AARSD1: variants seen among roughly 807,000 people sequenced by gnomAD.
AARSD1 encodes alanyl-tRNA editing protein Aarsd1.
Under a neutral mutation model 48.7 loss-of-function variants are expected in AARSD1, and 44 were observed. That is an observed-to-expected ratio of 0.90 (90% confidence interval 0.71 to 1.16). The LOEUF (loss-of-function observed/expected upper bound fraction) is 1.16, where lower values mean the gene tolerates loss of function less well. Ranked by LOEUF, AARSD1 falls within the 50% of genes most tolerant of loss-of-function variation. AARSD1 has a pLI of 0.00. For synonymous variants in AARSD1, 189 were observed against 194.9 expected, an observed-to-expected ratio of 0.97 and a Z score of 0.25; for missense variants, 511 against 523.1, an observed-to-expected ratio of 0.98 and a Z score of 0.23.
chr17:42,952,740 G>A (rs117725528), intron 10 of AARSD1, among the ~76,000 whole-genome samples: 162 of 151,948 alleles, frequency 1.1e-3, no homozygotes, highest in East Asian at 6.4e-3. Flanking sequence ...CATCAGGAGT[G>A]GGAAGAGTAA....
At chr17:42,957,365 G>T (rs1005484239) in intron 3 of AARSD1, 170 bp from the exon 4 acceptor site, 19 of 741,250 alleles carry the variant, frequency 2.6e-5, no homozygotes, top group Non-Finnish European at 3.9e-5. Flanking sequence ...TGAGAATTCT[G>T]CAAGAGGCCT....
intron 9 of AARSD1, chr17:42,954,046 A>C: frequency 2.1e-6 from 1 of 479,424 alleles, no homozygotes. Flanking sequence ...TAAAGGAGGT[A>C]GGGGACAGTC....
chr17:42,954,446 A>G (rs1305933349), intron 9 of AARSD1, among the ~76,000 whole-genome samples: 1 of 149,720 alleles, frequency 6.7e-6, no homozygotes, highest in African/African-American at 2.5e-5. Flanking sequence ...TTTTTTTTAT[A>G]TTTTTGAGAT....
rs1344132656 is a variant in AARSD1, at chr17:42,954,959, C to A, written c.870G>T (p.Leu290=). Reference sequence around the variant, plus strand: ...GCACAGCCAGGTCTCTGAGCAGATTCAGGTTATTCTGAAATGGATATGGTA... The same window carrying A: ...GCACAGCCAGGTCTCTGAGCAGATTAAGGTTATTCTGAAATGGATATGGTA... The part of the protein sequence containing the change: ...NSTKILQKNN[L]NLLRDLAVHI... The change falls in exon 9 of 12, where the codon CTG becomes CTT. Residue 290 remains leucine (L), a synonymous_variant. Coordinates refer to ENST00000427569, the MANE Select transcript of AARSD1 (RefSeq NM_001261434.2). 6.2e-7 allele frequency: 1 copy of A among 1,614,176 alleles called. No individual in the cohort carries two copies. Among genetic ancestry groups the A allele is most frequent in the African/African-American group, 1.3e-5 (1 of 75,058 alleles).
intron 3 of AARSD1, chr17:42,957,404 T>C: frequency 2.0e-6 from 1 of 504,564 alleles, no homozygotes; most frequent in Non-Finnish European, 3.4e-6. Context: ...ATGAGGAAAC[T>C]GAAGCCTAGA....
chr17:42,956,312 G>A lies in AARSD1; in HGVS notation c.555C>T (p.Gly185=). 1 of 1,614,086 alleles carries A rather than the reference G, an allele frequency of 6.2e-7. No individual in the cohort carries two copies. Among genetic ancestry groups the A allele is most frequent in the South Asian group, 1.1e-5 (1 of 91,080 alleles). ...CAGCATGATCATCAGGCAAACCCCG[G>A]CCACTCACCTGGACTCAAGGAGAGG... The part of the protein sequence containing the change: ...LDDPEVEQVS[G]RGLPDDHAGP... Residue 185 remains glycine (G), a synonymous_variant, in exon 6 of 12, where the codon GGC becomes GGT. Coordinates refer to ENST00000427569, the MANE Select transcript of AARSD1 (RefSeq NM_001261434.2).
intron 7 of AARSD1, 50 bp from the exon 8 acceptor site, chr17:42,955,274 G>T: frequency 6.2e-7 from 1 of 1,607,520 alleles, no homozygotes; most frequent in South Asian, 1.1e-5. Flanking sequence ...AGTCGTTTCT[G>T]ATGTTGGGGA....
At chr17:42,960,026 A>G (rs949672656) in intron 3 of AARSD1, among the ~76,000 whole-genome samples, 2 of 151,850 alleles carry the variant, frequency 1.3e-5, no homozygotes, top group Non-Finnish European at 2.9e-5. Flanking sequence ...ATCTCAGCAC[A>G]TTGAGAAGCC....
intron 5 of AARSD1, 21 bp downstream of exon 5, chr17:42,956,383 T>G: frequency 6.2e-7 from 1 of 1,613,920 alleles, no homozygotes; most frequent in Non-Finnish European, 8.5e-7. Context: ...GCAGAAACCA[T>G]CCCTCTGGCT....
Position 42,953,772 on chromosome 17 carries a change from C to T in AARSD1, c.960G>A (p.Glu320=), listed in dbSNP as rs1237529114. The T allele has an allele frequency of 8.1e-6, 13 of 1,614,150 alleles. No individual in the cohort carries two copies. The East Asian group carries it at 1.3e-4, about 17-fold the overall frequency. Residue 320 remains glutamate, a synonymous_variant, in exon 10 of 12, where the codon GAG becomes GAA. Coordinates refer to ENST00000427569, the MANE Select transcript of AARSD1 (RefSeq NM_001261434.2). ...WGGVVILHRK[E]GDSEFMNIIA... Reference sequence around the variant, plus strand: ...TGATATTCATGAACTCTGAATCACCCTCCTTCCTACAACAAAGGACACAGA... The same window carrying T: ...TGATATTCATGAACTCTGAATCACCTTCCTTCCTACAACAAAGGACACAGA...
Position 42,956,045 on chromosome 17 carries a change from G to A in AARSD1, c.664-73C>T, listed in dbSNP as rs536807071. ...TAAACCACAGCGGATCCTAGAACCT[G>A]AAGGCAGGAGAAACCTATCTGTTCC... On this transcript the variant is annotated intron_variant, in intron 6 of 11. Coordinates refer to ENST00000427569, the MANE Select transcript of AARSD1 (RefSeq NM_001261434.2). 184 of 1,610,424 alleles carry A rather than the reference G, an allele frequency of 1.1e-4. 2 individuals carry two copies. The East Asian group carries it at 3.9e-3, about 34-fold the overall frequency.
Position 42,950,590 on chromosome 17 carries a change from C to A in AARSD1, c.*3G>T, listed in dbSNP as rs1339713127. ...GGAAACAGGAGGTGAGTGCCCTAAG[C>A]CCTCACTCCTTAGCACTCTGCGTGC... On this transcript the variant is annotated 3_prime_UTR_variant, in exon 12 of 12. Coordinates refer to ENST00000427569, the MANE Select transcript of AARSD1 (RefSeq NM_001261434.2). The A allele has an allele frequency of 8.1e-6, 13 of 1,606,358 alleles. No homozygotes were observed. The highest frequency in any genetic ancestry group is 1.1e-5 in the Non-Finnish European group (13 of 1,175,598).
chr17:42,955,660 CT>C, intron 7 of AARSD1, 181 bp downstream of exon 7: 1 of 957,154 alleles, frequency 1.0e-6, no homozygotes, highest in Non-Finnish European at 1.5e-6. Context: ...CCAGGAAGGT[CT>C]TGATCTCCTG....
rs2049632828 is a variant in AARSD1 at position 42,961,229 on chromosome 17, A to G, written c.294T>C (p.Asp98=). 1.9e-6 allele frequency: 3 copies of G among 1,613,836 alleles called. No individual in the cohort carries two copies. Among genetic ancestry groups the G allele is most frequent in the Middle Eastern group, 1.7e-4 (1 of 6,054 alleles). ...DPGSQVLVRV[D]WERRFDHMQQ... ...GCATGTGGTCAAACCTCCGCTCCCA[A>G]TCTACCCGGACCAGAACCTGGCTTC... Residue 98 remains aspartate, a synonymous_variant, in exon 3 of 12, where the codon GAT becomes GAC. Transcript: ENST00000427569.
At position 42,958,357 on chromosome 17, in the gene AARSD1, C is replaced by T. The variant is rs1320137257; in HGVS notation, c.332-1162G>A. ...CTCTACTAAAAATACAAAAATTAGC[C>T]GGGTGTGGTGGCATGCACCTGTAAT... On this transcript the variant is annotated intron_variant, in intron 3 of 11. Coordinates refer to ENST00000427569, the MANE Select transcript of AARSD1 (RefSeq NM_001261434.2). Among the ~76,000 whole-genome samples the T allele has an allele frequency of 1.3e-4, 19 of 151,588 alleles. No individual in the cohort carries two copies. The East Asian group carries it at 2.4e-3, about 19-fold the overall frequency.
At chr17:42,957,476 CTTTTTTTT>C (rs1165420812) in intron 3 of AARSD1, 44 of 82,950 alleles carry the variant, frequency 5.3e-4, no homozygotes, top group South Asian at 3.0e-3. Context: ...ACTTAACTTC[CTTTTTTTT>C]TTTTTTTTTT....
chr17:42,955,455 T>TC, intron 7 of AARSD1: 1 of 525,038 alleles, frequency 1.9e-6, no homozygotes, highest in Admixed American at 3.5e-5. Context: ...TTTTTTTTTT[T>TC]TGAGACAGAG....
chr17:42,961,292 T>C lies in AARSD1; in HGVS notation c.231A>G (p.Glu77=). Residue 77 remains glutamate (E), a synonymous_variant, in exon 3 of 12, where the codon GAA becomes GAG. Coordinates refer to ENST00000427569, the MANE Select transcript of AARSD1 (RefSeq NM_001261434.2). The stretch of plus-strand genomic sequence containing the variant: ...GTGTCTGGGTGAAATGATCAGCCTG[T>C]TCCCCACGGCGAGTCACTCTCAGCA... The part of the protein sequence containing the change: ...ISVLRVTRRG[E]QADHFTQTPL... The C allele has an allele frequency of 6.2e-7, 1 of 1,614,120 alleles. No homozygotes were observed. The highest frequency in any genetic ancestry group is 8.5e-7 in the Non-Finnish European group (1 of 1,180,004).
intron 2 of AARSD1, 33 bp downstream of exon 2, chr17:42,964,072 CT>C: frequency 6.2e-7 from 1 of 1,613,296 alleles, no homozygotes; most frequent in Non-Finnish European, 8.5e-7. Flanking sequence ...CACAAAGAAA[CT>C]GGGGGCTTCC....
Sources: allele counts gnomAD v4.1 joint callset (sites outside exome capture counted in the v4.1 genomes callset), GRCh38; gene constraint gnomAD v4.1.1; transcripts MANE v1.5; gene names NCBI Gene and HGNC (gene_info 2026-07-23, HGNC 2026-07-21).